The following MED12L variants were observed in gnomAD, a reference collection of about 807,000 sequenced individuals.
The protein encoded by MED12L is mediator of RNA polymerase II transcription subunit 12-like protein.
Under a neutral mutation model 281.3 loss-of-function variants are expected in MED12L, and 60 were observed. The ratio of observed to expected loss-of-function variants is 0.21; its 90% CI spans 0.17 to 0.26. The LOEUF (loss-of-function observed/expected upper bound fraction) is 0.26, where lower values mean the gene tolerates loss of function less well. Ranked by LOEUF, MED12L falls within the 10% of genes least tolerant of loss-of-function variation. The pLI, the probability that MED12L is intolerant of heterozygous loss-of-function variation, is 1.00. For synonymous variants in MED12L, 974 were observed against 987.2 expected, an observed-to-expected ratio of 0.99 and a Z score of 0.25; for missense variants, 2,146 against 2,680.9, an observed-to-expected ratio of 0.80 and a Z score of 4.41.
intron 20 of MED12L, among the ~76,000 whole-genome samples, chr3:151,358,854 C>G (rs1411564541): frequency 6.6e-6 from 1 of 152,130 alleles, no homozygotes; most frequent in Non-Finnish European, 1.5e-5. Context: ...CGATGGATAC[C>G]TAAACCTAAC....
chr3:151,176,306 T>G (rs1030150725), intron 11 of MED12L, among the ~76,000 whole-genome samples: 1 of 152,214 alleles, frequency 6.6e-6, no homozygotes, highest in Non-Finnish European at 1.5e-5. Context: ...ATACCAGCAG[T>G]AATCACTGTT....
rs372962462 is a variant in MED12L at position 151,376,169 on chromosome 3, C to G, written c.4008C>G (p.Thr1336=). ...ATCCTCATGGCATTAAAGAATGTAC[C>G]GAGGGGGACAATCTGCAAAGACAGC... ...ICYPHGIKEC[T]EGDNLQRQHI... is the part of the protein sequence containing the mutation. The change falls in exon 28 of 45, where the codon ACC becomes ACG. Residue 1336 remains threonine (T), a synonymous_variant. Transcript: ENST00000687756. The G allele has an allele frequency of 4.4e-6, 7 of 1,605,092 alleles. No individual in the cohort carries two copies. The East Asian group carries it at 1.6e-4, about 36-fold the overall frequency.
Position 151,368,287 on chromosome 3 carries a change from A to C in MED12L, c.3550+36A>C, listed in dbSNP as rs774875328. 21 of 1,561,816 alleles carry C rather than the reference A, an allele frequency of 1.3e-5. No individual in the cohort carries two copies. In the South Asian group the frequency reaches 2.1e-4, roughly 16 times the overall value. On this transcript the variant is annotated intron_variant, in intron 25 of 44. Transcript: ENST00000687756. ...TGCAGAAAAATCTGATTACCTTTTC[A>C]TTGGTAGCTAAAGTTTCTAAAATGA...
At chr3:151,104,784 A>G (rs1311707826) in intron 2 of MED12L, among the ~76,000 whole-genome samples, 1 of 152,182 alleles carries the variant, frequency 6.6e-6, no homozygotes. Context: ...CCTCTAGTGC[A>G]GGACCCTTCT....
intron 39 of MED12L, among the ~76,000 whole-genome samples, chr3:151,398,865 G>A (rs1049825766): frequency 6.6e-6 from 1 of 151,956 alleles, no homozygotes; most frequent in African/African-American, 2.4e-5. Context: ...TATAAATTAG[G>A]CTCAGTAAGA....
At chr3:151,294,607 G>A (rs1744807836) in intron 16 of MED12L, 1 of 1,614,150 alleles carries the variant, frequency 6.2e-7, no homozygotes, top group Non-Finnish European at 8.5e-7. Flanking sequence ...CCACAAACAA[G>A]CAGCTGTTCA....
chr3:151,427,945 G>A (rs1335333241), intron 43 of MED12L, among the ~76,000 whole-genome samples: 2 of 152,210 alleles, frequency 1.3e-5, no homozygotes, highest in African/African-American at 4.8e-5. Flanking sequence ...GTCTTAACCA[G>A]TCAGAAGTGA....
chr3:151,111,286 A>T (rs1296557362), intron 2 of MED12L, among the ~76,000 whole-genome samples: 4 of 152,226 alleles, frequency 2.6e-5, no homozygotes, highest in Non-Finnish European at 5.9e-5. Context: ...ATATGGTTTG[A>T]TGGTTGGGAG....
intron 27 of MED12L, 35 bp from the exon 28 acceptor site, chr3:151,375,991 A>G (rs2108062602): frequency 2.3e-6 from 3 of 1,309,556 alleles, no homozygotes; most frequent in Non-Finnish European, 2.1e-6. Flanking sequence ...ACCGAAAGCC[A>G]GTGCCTGTCA....
intron 16 of MED12L, among the ~76,000 whole-genome samples, chr3:151,330,435 A>C (rs185584422): frequency 7.2e-5 from 11 of 152,270 alleles, no homozygotes; most frequent in East Asian, 3.9e-4. Flanking sequence ...TTTTGCTTTA[A>C]TTCTCTTCAA....
intron 16 of MED12L, among the ~76,000 whole-genome samples, chr3:151,343,022 CTG>C (rs919123345): frequency 6.6e-6 from 1 of 152,080 alleles, no homozygotes; most frequent in African/African-American, 2.4e-5. Flanking sequence ...GCCTTAGAAT[CTG>C]TATTTGTGTA....
chr3:151,338,952 C>T, intron 16 of MED12L: 1 of 1,112,640 alleles, frequency 9.0e-7, no homozygotes, highest in Non-Finnish European at 1.3e-6. Flanking sequence ...ACAGCCTCCT[C>T]TAAAAGTTGA....
At chr3:151,382,182 G>A (rs1436724817) in intron 32 of MED12L, among the ~76,000 whole-genome samples, 4 of 152,006 alleles carry the variant, frequency 2.6e-5, no homozygotes, top group Non-Finnish European at 4.4e-5. Context: ...AGTACCGTGC[G>A]TTCTCTTTAT....
At position 151,192,604 on chromosome 3, in the gene MED12L, G is replaced by A; in HGVS notation, c.2023G>A (p.Asp675Asn). 1 of 1,536,396 alleles carries A rather than the reference G, an allele frequency of 6.5e-7. No homozygotes were observed. Among genetic ancestry groups the A allele is most frequent in the East Asian group, 2.4e-5 (1 of 40,918 alleles). Residue 675 changes from aspartate (D) to asparagine (N), a missense_variant, in exon 15 of 45, where the codon GAT (aspartate) becomes AAT (asparagine). Transcript: ENST00000687756. The stretch of plus-strand genomic sequence containing the variant: ...TGACTCAGGAACCACTAACATTTTT[G>A]ATGAAGTAGACAAGAGTGACTTTAA... ...GIDSGTTNIF[D>N]EVDKSDFKTD...
At chr3:151,415,649 T>A (rs936223097) in intron 42 of MED12L, among the ~76,000 whole-genome samples, 10 of 152,306 alleles carry the variant, frequency 6.6e-5, no homozygotes, top group African/African-American at 2.4e-4. Context: ...GTGGAGGAAA[T>A]TTTAAAGGTC....
At position 151,127,974 on chromosome 3, in the gene MED12L, T is replaced by C. The variant is rs200140229; in HGVS notation, c.546T>C (p.Asp182=). Residue 182 remains aspartate (D), a synonymous_variant, in exon 5 of 45, where the codon GAT becomes GAC. Transcript: ENST00000687756. ...EAKIKKRQAP[D]PNLEWTQIST... The stretch of plus-strand genomic sequence containing the variant: ...AAATTAAGAAACGTCAGGCTCCTGA[T>C]CCGAATTTGGGTAAGTGAGAGAATA... 1.4e-4 allele frequency: 229 copies of C among 1,610,916 alleles called. 1 individual carries two copies. The highest frequency in any genetic ancestry group is 2.5e-4 in the Admixed American group (15 of 59,200).
chr3:151,416,796 G>A (rs1351289106), intron 43 of MED12L, among the ~76,000 whole-genome samples: 1 of 152,106 alleles, frequency 6.6e-6, no homozygotes, highest in East Asian at 1.9e-4. Context: ...CAAAAACCAT[G>A]GGCGCACTTT....
chr3:151,422,501 C>T (rs1718364904), intron 43 of MED12L, among the ~76,000 whole-genome samples: 1 of 152,196 alleles, frequency 6.6e-6, no homozygotes, highest in Non-Finnish European at 1.5e-5. Flanking sequence ...CGCAGGCATT[C>T]TCCCTGTGCA....
intron 16 of MED12L, 74 bp from the exon 17 acceptor site, chr3:151,349,985 G>A: frequency 6.9e-7 from 1 of 1,441,812 alleles, no homozygotes. Flanking sequence ...GCTGTGGTCA[G>A]TGCATTTCAG....
Sources: allele counts gnomAD v4.1 joint callset (sites outside exome capture counted in the v4.1 genomes callset), GRCh38; gene constraint gnomAD v4.1.1; transcripts MANE v1.5; gene names NCBI Gene and HGNC (gene_info 2026-07-23, HGNC 2026-07-21).